Variants in KIAA1217 observed in about 807,000 individuals in gnomAD.
KIAA1217 encodes sickle tail protein homolog.
Under a neutral mutation model 163.9 loss-of-function variants are expected in KIAA1217, and 88 were observed. The ratio of observed to expected loss-of-function variants is 0.54; its 90% CI spans 0.45 to 0.64. The LOEUF (loss-of-function observed/expected upper bound fraction) is 0.64, where lower values mean the gene tolerates loss of function less well. KIAA1217 is among the 30% of genes least tolerant of loss of function. The probability of loss-of-function intolerance (pLI) is 0.00; values close to 1 mark genes in which losing one functional copy is unlikely to be tolerated. For missense variants in KIAA1217, 2,372 were observed against 2,475.0 expected (o/e 0.96, Z 0.88); for synonymous variants, 903 against 923.1 (o/e 0.98, Z 0.39).
At chr10:24,143,392 G>A (rs952253421) in intron 2 of KIAA1217, among the ~76,000 whole-genome samples, 10 of 151,970 alleles carry the variant, frequency 6.6e-5, no homozygotes, top group Non-Finnish European at 1.2e-4. Flanking sequence ...TCAGCCTCCC[G>A]AGTAGCTAGG....
intron 1 of KIAA1217, among the ~76,000 whole-genome samples, chr10:23,698,710 C>T (rs147135807): frequency 1.8e-4 from 28 of 152,286 alleles, no homozygotes; most frequent in African/African-American, 6.3e-4. Flanking sequence ...CTTATGTTGT[C>T]GACCGTAGGC....
At chr10:24,467,122 T>C (rs1266381748) in intron 5 of KIAA1217, among the ~76,000 whole-genome samples, 1 of 152,212 alleles carries the variant, frequency 6.6e-6, no homozygotes, top group African/African-American at 2.4e-5. Context: ...ATGAGTGATA[T>C]TCGATTTGAC....
intron 3 of KIAA1217, among the ~76,000 whole-genome samples, chr10:24,409,840 C>T (rs1157228072): frequency 1.3e-5 from 2 of 152,012 alleles, no homozygotes; most frequent in Non-Finnish European, 2.9e-5. Context: ...TGAGAGCATA[C>T]GATGTTTGGT....
rs148599992 is a variant in KIAA1217, at chr10:24,528,098, G to T, written c.3061G>T (p.Val1021Leu). The T allele has an allele frequency of 5.0e-3, 8,106 of 1,613,992 alleles. 37 individuals are homozygous for T. Among genetic ancestry groups the T allele is most frequent in the Middle Eastern group, 0.016 (99 of 6,056 alleles). The part of the protein sequence containing the change: ...TGPLPRGDAP[V>L]DKVELSEDSP... ...CCCACTGCCAAGGGGAGATGCCCCA[G>T]TGGACAAGGTGGAACTTTCAGGTAA... The change falls in exon 14 of 21, where the codon GTG becomes TTG. Residue 1021 changes from valine (V) to leucine (L), a missense_variant. By Grantham distance (32) the Val-to-Leu change is conservative. Transcript: ENST00000376454.
chr10:24,149,998 A>G (rs957232740), intron 2 of KIAA1217, among the ~76,000 whole-genome samples: 4 of 152,076 alleles, frequency 2.6e-5, no homozygotes, highest in Admixed American at 2.6e-4. Context: ...GAACTAAGAG[A>G]TATTCTGTAT....
At chr10:24,372,286 G>T (rs1179054989) in intron 2 of KIAA1217, among the ~76,000 whole-genome samples, 1 of 152,138 alleles carries the variant, frequency 6.6e-6, no homozygotes, top group Non-Finnish European at 1.5e-5. Context: ...TAGCAGGAAA[G>T]AAACGTTAAG....
rs1050175151 is a variant in KIAA1217 at position 23,852,811 on chromosome 10, CTGTT to C, written c.-320-154410_-320-154407del. ...GGGAGTTCACTCATGATTTGGCTCT[CTGTT>C]TGTCTGTTGCTGGTGTATAAGAATG... On this transcript the variant is annotated intron_variant, in intron 1 of 18. Coordinates refer to the KIAA1217 transcript ENST00000376462. Among the ~76,000 whole-genome samples, 317 of 152,252 alleles carry C rather than the reference CTGTT, an allele frequency of 2.1e-3. 2 individuals are homozygous for C. The highest frequency in any genetic ancestry group is 7.4e-3 in the African/African-American group (308 of 41,530).
At chr10:24,475,241 G>T (rs1409856501) in intron 6 of KIAA1217, among the ~76,000 whole-genome samples, 1 of 152,022 alleles carries the variant, frequency 6.6e-6, no homozygotes, top group Non-Finnish European at 1.5e-5. Context: ...GAAAAATAAG[G>T]TGTCTAGATA....
intron 9 of KIAA1217, among the ~76,000 whole-genome samples, chr10:24,502,524 C>T (rs531965571): frequency 1.3e-5 from 2 of 152,270 alleles, no homozygotes; most frequent in East Asian, 3.9e-4. Flanking sequence ...TAAGCTGTCT[C>T]CTGGGTAATA....
At chr10:23,764,152 A>G (rs1193380284) in intron 1 of KIAA1217, among the ~76,000 whole-genome samples, 1 of 152,218 alleles carries the variant, frequency 6.6e-6, no homozygotes, top group Non-Finnish European at 1.5e-5. Context: ...AAGGATATGA[A>G]CAGACACTTC....
intron 2 of KIAA1217, among the ~76,000 whole-genome samples, chr10:24,317,502 T>C (rs1225442307): frequency 6.6e-6 from 1 of 152,050 alleles, no homozygotes; most frequent in Non-Finnish European, 1.5e-5. Flanking sequence ...GGGTTGGCAA[T>C]GAGGACAAGG....
intron 4 of KIAA1217, among the ~76,000 whole-genome samples, chr10:24,434,800 T>C (rs1342539593): frequency 6.6e-6 from 1 of 152,250 alleles, no homozygotes; most frequent in African/African-American, 2.4e-5. Context: ...ATTTAGTGAC[T>C]AATCCAGCCA....
At position 24,063,939 on chromosome 10, in the gene KIAA1217, G is replaced by A. The variant is rs2060834421; in HGVS notation, c.-171+56565G>A. Among the ~76,000 whole-genome samples the A allele has an allele frequency of 2.6e-5, 4 of 152,248 alleles. No individual in the cohort carries two copies. The South Asian group carries it at 8.3e-4, about 32-fold the overall frequency. Reference sequence around the variant, plus strand: ...GAGTTCACTCATGATTTGGCTCTCTGTTTGTCTGTTATTGGTGTATAAGAA... The same window carrying A: ...GAGTTCACTCATGATTTGGCTCTCTATTTGTCTGTTATTGGTGTATAAGAA... On this transcript the variant is annotated intron_variant, in intron 2 of 18. Coordinates refer to the KIAA1217 transcript ENST00000376462.
intron 4 of KIAA1217, among the ~76,000 whole-genome samples, chr10:24,436,890 A>G (rs758447778): frequency 2.5e-4 from 38 of 151,826 alleles, no homozygotes; most frequent in Non-Finnish European, 4.4e-4. Flanking sequence ...CTGAAGCGTG[A>G]GCATATTTGC....
At chr10:24,084,228 T>C (rs2061623549) in intron 2 of KIAA1217, among the ~76,000 whole-genome samples, 1 of 152,364 alleles carries the variant, frequency 6.6e-6, no homozygotes, top group Admixed American at 6.5e-5. Flanking sequence ...AGACATAACA[T>C]TATCTAACCT....
chr10:24,224,665 G>A (rs1306747463), intron 2 of KIAA1217, among the ~76,000 whole-genome samples: 1 of 151,940 alleles, frequency 6.6e-6, no homozygotes, highest in African/African-American at 2.4e-5. Flanking sequence ...GTTTGTCAAA[G>A]GAAAATAGTA....
intron 2 of KIAA1217, among the ~76,000 whole-genome samples, chr10:24,109,491 C>G (rs988441535): frequency 6.6e-6 from 1 of 151,866 alleles, no homozygotes; most frequent in African/African-American, 2.4e-5. Context: ...CAATAATTCT[C>G]TATGTGGATT....
chr10:24,127,924 C>T (rs1402846934), intron 2 of KIAA1217, among the ~76,000 whole-genome samples: 1 of 152,104 alleles, frequency 6.6e-6, no homozygotes. Flanking sequence ...AGCAATAAGA[C>T]ACAATTGGAA....
intron 1 of KIAA1217, among the ~76,000 whole-genome samples, chr10:23,789,355 C>G (rs1448736322): frequency 2.0e-5 from 3 of 152,146 alleles, no homozygotes; most frequent in Admixed American, 6.5e-5. Flanking sequence ...CATTTGTAAG[C>G]ATTTCCTTTT....
Sources: gnomAD v4.1 joint callset for allele counts (sites outside exome capture counted in the v4.1 genomes callset) on GRCh38, gnomAD v4.1.1 for gene constraint, MANE v1.5 for transcripts, NCBI Gene and HGNC (gene_info 2026-07-23, HGNC 2026-07-21) for gene names.